Variants in FOXK2 observed in about 807,000 individuals in gnomAD.
FOXK2 encodes forkhead box protein K2.
Under a neutral mutation model 53.3 loss-of-function variants are expected in FOXK2, and 24 were observed. That is an observed-to-expected ratio of 0.45 (90% CI 0.33 to 0.63). FOXK2 has a LOEUF of 0.63. Ranked by LOEUF, FOXK2 falls within the 30% of genes least tolerant of loss-of-function variation. The probability of loss-of-function intolerance (pLI) is 0.03; values close to 1 mark genes in which losing one functional copy is unlikely to be tolerated. For synonymous variants in FOXK2, 505 were observed against 407.1 expected (o/e 1.24, Z -2.89); for missense variants, 952 against 910.5 (o/e 1.05, Z -0.59).
At position 82,560,173 on chromosome 17, in the gene FOXK2, T is replaced by C. The variant is rs994529636; in HGVS notation, c.420-3181T>C. Among the ~76,000 whole-genome samples the C allele has an allele frequency of 4.7e-5, 7 of 149,488 alleles. No individual in the cohort carries two copies. In the East Asian group the frequency reaches 1.4e-3, roughly 29 times the overall value. ...CGTGTGTGCCACCATGCCTGGCTTATTTTTTTTTGTATTTTTAGTAGAGAT... is the reference window on the plus strand; with the variant it reads ...CGTGTGTGCCACCATGCCTGGCTTACTTTTTTTTGTATTTTTAGTAGAGAT... On this transcript the variant is annotated intron_variant, in intron 1 of 8. Coordinates refer to ENST00000335255, the MANE Select transcript of FOXK2 (RefSeq NM_004514.4).
At chr17:82,589,972 G>A (rs4789703) in intron 8 of FOXK2, among the ~76,000 whole-genome samples, 41,912 of 151,802 alleles carry the variant, frequency 0.28, 6,697 homozygotes, top group Admixed American at 0.36. Context: ...CTTGAACCTG[G>A]GAGATGGAGG....
chr17:82,583,042 G>A (rs948867080), intron 5 of FOXK2, 108 bp downstream of exon 5: 1 of 785,044 alleles, frequency 1.3e-6, no homozygotes, highest in Non-Finnish European at 1.9e-6. Flanking sequence ...AATGCATTAT[G>A]ATTAAATGTT....
chr17:82,549,688 G>A (rs576799288), intron 1 of FOXK2, among the ~76,000 whole-genome samples: 30 of 152,356 alleles, frequency 2.0e-4, no homozygotes, highest in African/African-American at 7.0e-4. Flanking sequence ...ATGCTCGATA[G>A]CCACTTACAG....
intron 8 of FOXK2, among the ~76,000 whole-genome samples, chr17:82,598,337 C>T (rs1351520913): frequency 1.3e-5 from 2 of 152,164 alleles, no homozygotes; most frequent in Non-Finnish European, 2.9e-5. Flanking sequence ...TCAAGGGACC[C>T]GCCTGCCTCA....
Position 82,604,183 on chromosome 17 carries a change from G to A in FOXK2, c.*2684G>A, listed in dbSNP as rs2143198289. 1 of 152,316 alleles carries A rather than the reference G, an allele frequency of 6.6e-6. No individual in the cohort carries two copies. Among genetic ancestry groups the A allele is most frequent in the African/African-American group, 2.4e-5 (1 of 41,502 alleles). 9.4% of individuals were successfully genotyped at this position (152,316 alleles called of 1,614,324 possible). A position where few individuals can be genotyped will look rare whatever the true frequency, so the allele number is the denominator to read the frequency against. On this transcript the variant is annotated 3_prime_UTR_variant, in exon 9 of 9. Transcript: ENST00000335255. ...TTTGCCCAACTTCTGAGCTCCTCAG[G>A]GACTAGGAACAATTTCAGTAGCTTT...
At chr17:82,545,252 G>A (rs769219204) in intron 1 of FOXK2, among the ~76,000 whole-genome samples, 7 of 152,166 alleles carry the variant, frequency 4.6e-5, no homozygotes, top group Admixed American at 6.6e-5. Flanking sequence ...CCCAGCCAGG[G>A]CCTCCCACTC....
intron 1 of FOXK2, among the ~76,000 whole-genome samples, chr17:82,523,608 G>A (rs960181877): frequency 4.6e-5 from 7 of 151,838 alleles, no homozygotes; most frequent in Non-Finnish European, 1.0e-4. Context: ...GAGTACCTGG[G>A]ATTACAGGTG....
chr17:82,529,044 G>A (rs76380031), intron 1 of FOXK2, among the ~76,000 whole-genome samples: 4,482 of 152,258 alleles, frequency 0.029, 87 homozygotes, highest in Middle Eastern at 0.055. Context: ...CGCACAGGAC[G>A]CAGGAGGGGA....
intron 8 of FOXK2, chr17:82,593,628 G>C (rs1193264106): frequency 6.6e-6 from 1 of 152,342 alleles, no homozygotes; most frequent in Admixed American, 6.5e-5. Context: ...CCCTTGCAGA[G>C]GGAGCAGTGC....
chr17:82,535,490 GTCT>G (rs1202959242), intron 1 of FOXK2, among the ~76,000 whole-genome samples: 2 of 152,104 alleles, frequency 1.3e-5, no homozygotes, highest in African/African-American at 4.8e-5. Context: ...GGCTCTGCTC[GTCT>G]TCTTTGTTCT....
intron 1 of FOXK2, 62 bp from the exon 2 acceptor site, chr17:82,563,292 G>T: frequency 6.6e-7 from 1 of 1,514,782 alleles, no homozygotes; most frequent in South Asian, 1.3e-5. Context: ...GGACATGTGG[G>T]GACTCTGCCC....
chr17:82,581,552 T>G (rs1287516278), intron 4 of FOXK2, among the ~76,000 whole-genome samples: 3 of 150,692 alleles, frequency 2.0e-5, no homozygotes, highest in African/African-American at 7.3e-5. Flanking sequence ...CTCGGCTCAC[T>G]GCAAGCTCTG....
intron 8 of FOXK2, among the ~76,000 whole-genome samples, chr17:82,589,596 G>C (rs955221950): frequency 6.6e-6 from 1 of 151,818 alleles, no homozygotes; most frequent in East Asian, 1.9e-4. Context: ...CTGAGGGCCT[G>C]TTTCCACTCA....
intron 2 of FOXK2, among the ~76,000 whole-genome samples, chr17:82,565,107 A>G (rs2044839628): frequency 6.6e-6 from 1 of 152,136 alleles, no homozygotes; most frequent in African/African-American, 2.4e-5. Context: ...GTACCAGGTA[A>G]ACGGTATGTC....
chr17:82,578,507 A>G (rs2045017729), intron 4 of FOXK2: 1 of 152,222 alleles, frequency 6.6e-6, no homozygotes, highest in Non-Finnish European at 1.5e-5. Context: ...CAACAGAATG[A>G]AGGAACATCC....
Position 82,586,035 on chromosome 17 carries a change from G to C in FOXK2, c.1411G>C (p.Val471Leu). 6.2e-7 allele frequency: 1 copy of C among 1,612,836 alleles called. No homozygotes were observed. Among genetic ancestry groups the C allele is most frequent in the African/African-American group, 1.3e-5 (1 of 75,062 alleles). The change falls in exon 7 of 9, where the codon GTT becomes CTT. Residue 471 changes from valine to leucine, a missense_variant. Transcript: ENST00000335255. ...CTCCCAGCCACCCGTCGTGCAGACG[G>C]TTCACGTCGTCCACCAGATCCCAGC... ...STSQPPVVQT[V>L]HVVHQIPAVS...
rs2045416157 is a variant in FOXK2 at position 82,603,810 on chromosome 17, C to T, written c.*2311C>T. The T allele has an allele frequency of 6.6e-6, 1 of 151,546 alleles. No individual in the cohort carries two copies. Among genetic ancestry groups the T allele is most frequent in the South Asian group, 2.1e-4 (1 of 4,816 alleles). The allele number at this position is 151,546 out of a possible 1,614,324, so 9.4% of individuals were successfully genotyped here. Reference sequence around the variant, plus strand: ...TCACAGATGGAAGGTGCACACGCTCCTGTCTCCTCCTCACTCTGCCACGTT... The same window carrying T: ...TCACAGATGGAAGGTGCACACGCTCTTGTCTCCTCCTCACTCTGCCACGTT... On this transcript the variant is annotated 3_prime_UTR_variant, in exon 9 of 9. Transcript: ENST00000335255.
chr17:82,595,800 G>A (rs538924446), intron 8 of FOXK2: 2 of 1,289,580 alleles, frequency 1.6e-6, no homozygotes, highest in Non-Finnish European at 2.0e-6. Context: ...GGCCTCAGAA[G>A]GCCCCCATGT....
At chr17:82,574,689 C>T (rs1598220868) in intron 4 of FOXK2, among the ~76,000 whole-genome samples, 1 of 152,200 alleles carries the variant, frequency 6.6e-6, no homozygotes, top group Non-Finnish European at 1.5e-5. Flanking sequence ...CTCACGGGCT[C>T]TTCCTGTGCC....
Sources: allele counts gnomAD v4.1 joint callset (sites outside exome capture counted in the v4.1 genomes callset), GRCh38; gene constraint gnomAD v4.1.1; transcripts MANE v1.5; gene names NCBI Gene and HGNC (gene_info 2026-07-23, HGNC 2026-07-21).